MTMR2: variants seen among roughly 807,000 people sequenced by gnomAD.
MTMR2 encodes the protein phosphatidylinositol-3,5-bisphosphate 3-phosphatase MTMR2.
In MTMR2, 55 loss-of-function variants were observed where a neutral mutation model predicts 86.9. The observed-to-expected ratio is 0.63, with a 90% CI of 0.51 to 0.79. The LOEUF (loss-of-function observed/expected upper bound fraction) is 0.79. Among genes scored for constraint, MTMR2 ranks in the 30% least tolerant of loss-of-function variants. The pLI, the probability that MTMR2 is intolerant of heterozygous loss-of-function variation, is 0.00. For missense variants in MTMR2, 659 were observed against 772.3 expected, an observed-to-expected ratio of 0.85 and a Z score of 1.74; for synonymous variants, 241 against 266.8, an observed-to-expected ratio of 0.90 and a Z score of 0.94.
intron 2 of MTMR2, among the ~76,000 whole-genome samples, chr11:95,881,029 T>C (rs1006745202): frequency 3.3e-5 from 5 of 152,078 alleles, no homozygotes; most frequent in African/African-American, 9.6e-5. Context: ...CATAATGATA[T>C]TGTCATATAT....
intron 2 of MTMR2, 105 bp from the exon 3 acceptor site, chr11:95,865,781 C>G: frequency 1.2e-6 from 1 of 854,538 alleles, no homozygotes. Context: ...AACATCATAT[C>G]ACATACACTA....
chr11:95,853,870 A>C (rs1864113075), intron 7 of MTMR2, among the ~76,000 whole-genome samples: 1 of 152,216 alleles, frequency 6.6e-6, no homozygotes, highest in Non-Finnish European at 1.5e-5. Flanking sequence ...CTTAGAAAAC[A>C]TGGAGTCAGA....
intron 7 of MTMR2, among the ~76,000 whole-genome samples, chr11:95,856,914 A>G (rs1326967607): frequency 6.6e-6 from 1 of 152,122 alleles, no homozygotes. Context: ...TGTTTCTTGT[A>G]TACTCTTGGC....
At chr11:95,852,357 T>C (rs1864053417) in intron 7 of MTMR2, among the ~76,000 whole-genome samples, 1 of 152,234 alleles carries the variant, frequency 6.6e-6, no homozygotes, top group Admixed American at 6.5e-5. Flanking sequence ...TTTACTATCG[T>C]ATTCACTAAA....
At chr11:95,909,454 A>ATAGC (rs1866416940) in intron 1 of MTMR2, among the ~76,000 whole-genome samples, 1 of 152,128 alleles carries the variant, frequency 6.6e-6, no homozygotes, top group African/African-American at 2.4e-5. Context: ...TAATGCTGCA[A>ATAGC]AGGCAGAAAA....
intron 5 of MTMR2, among the ~76,000 whole-genome samples, chr11:95,860,263 A>G (rs1225148971): frequency 6.6e-6 from 1 of 152,196 alleles, no homozygotes; most frequent in East Asian, 1.9e-4. Flanking sequence ...ACACTTTGGG[A>G]GGCCAAGGCG....
At chr11:95,845,272 C>T (rs1863738692) in intron 10 of MTMR2, 113 bp from the exon 11 acceptor site, 1 of 958,500 alleles carries the variant, frequency 1.0e-6, no homozygotes, top group South Asian at 1.4e-5. Context: ...TGAGGAAAAA[C>T]ATTTGTCCCT....
intron 10 of MTMR2, among the ~76,000 whole-genome samples, chr11:95,847,141 C>T (rs888090077): frequency 6.6e-6 from 1 of 152,132 alleles, no homozygotes; most frequent in African/African-American, 2.4e-5. Flanking sequence ...AATGACTTAG[C>T]ACTCAGTGTG....
intron 12 of MTMR2, chr11:95,840,086 C>G (rs1319333274): frequency 1.3e-5 from 2 of 152,168 alleles, no homozygotes; most frequent in African/African-American, 2.4e-5. Context: ...CTTCCAAAAT[C>G]AGATGAGATG....
chr11:95,892,960 T>G (rs1428372851), intron 1 of MTMR2, among the ~76,000 whole-genome samples: 1 of 152,138 alleles, frequency 6.6e-6, no homozygotes, highest in Non-Finnish European at 1.5e-5. Flanking sequence ...ACAAGCATTT[T>G]CCCAGCTGAA....
intron 10 of MTMR2, among the ~76,000 whole-genome samples, chr11:95,845,696 T>C (rs1035038861): frequency 6.9e-5 from 9 of 129,970 alleles, no homozygotes; most frequent in Non-Finnish European, 1.1e-4. Flanking sequence ...GTGAGCTACT[T>C]TTCTGTAACA....
chr11:95,868,265 C>T (rs187415033), intron 2 of MTMR2, among the ~76,000 whole-genome samples: 2 of 91,954 alleles, frequency 2.2e-5, no homozygotes, highest in South Asian at 4.5e-4. Context: ...GGGAGTGAGA[C>T]CCTGTGCTAA....
chr11:95,844,497 A>G (rs930501031), intron 11 of MTMR2, among the ~76,000 whole-genome samples: 1 of 152,166 alleles, frequency 6.6e-6, no homozygotes, highest in African/African-American at 2.4e-5. Flanking sequence ...GAACTTGAAT[A>G]TGTGTGGATT....
intron 12 of MTMR2, among the ~76,000 whole-genome samples, chr11:95,839,523 G>T (rs1312018546): frequency 6.6e-6 from 1 of 152,102 alleles, no homozygotes; most frequent in African/African-American, 2.4e-5. Flanking sequence ...TCCTCACAAA[G>T]AAAGTAAAAT....
At chr11:95,908,701 T>A (rs1171392957) in intron 1 of MTMR2, among the ~76,000 whole-genome samples, 4 of 152,118 alleles carry the variant, frequency 2.6e-5, no homozygotes, top group Non-Finnish European at 2.9e-5. Flanking sequence ...CTTCCTACAA[T>A]CATCTGATCT....
At chr11:95,865,725 C>A in intron 2 of MTMR2, 49 bp from the exon 3 acceptor site, 12 of 1,445,994 alleles carry the variant, frequency 8.3e-6, no homozygotes, top group Non-Finnish European at 1.2e-5. Flanking sequence ...TCAAAGGCTA[C>A]TTTTTCACTC....
At chr11:95,895,235 T>C (rs1865843863) in intron 1 of MTMR2, among the ~76,000 whole-genome samples, 1 of 151,670 alleles carries the variant, frequency 6.6e-6, no homozygotes, top group African/African-American at 2.4e-5. Flanking sequence ...AGTTGAACCA[T>C]TTGAAATTGC....
chr11:95,915,287 C>G (rs1236636359), intron 1 of MTMR2, among the ~76,000 whole-genome samples: 1 of 152,096 alleles, frequency 6.6e-6, no homozygotes, highest in Non-Finnish European at 1.5e-5. Flanking sequence ...CAGACAAGGC[C>G]TCCTCCCTAC....
chr11:95,918,357 C>T (rs181739382), intron 1 of MTMR2, among the ~76,000 whole-genome samples: 6 of 152,322 alleles, frequency 3.9e-5, no homozygotes, highest in Admixed American at 3.3e-4. Context: ...GATACTGATG[C>T]TACTGGCCTG....
Sources: gnomAD v4.1 joint callset for allele counts (sites outside exome capture counted in the v4.1 genomes callset) on GRCh38, gnomAD v4.1.1 for gene constraint, MANE v1.5 for transcripts, NCBI Gene and HGNC (gene_info 2026-07-23, HGNC 2026-07-21) for gene names.